PM20D2: variants seen among roughly 807,000 people sequenced by gnomAD.
PM20D2 encodes xaa-Arg dipeptidase.
PM20D2 carries 33 observed loss-of-function variants against 42.9 expected under a neutral mutation model. That is an observed-to-expected ratio of 0.77 (90% CI 0.58 to 1.03). PM20D2 has a LOEUF of 1.03. PM20D2 is among the 50% of genes least tolerant of loss of function. PM20D2 has a pLI of 0.00. For synonymous variants in PM20D2, 250 were observed against 228.2 expected (o/e 1.10, Z -0.86); for missense variants, 548 against 557.0 (o/e 0.98, Z 0.16).
the PM20D2 span, among the ~76,000 whole-genome samples, chr6:89,101,111 A>G: frequency 7.8e-6 from 1 of 128,896 alleles, no homozygotes; most frequent in African/African-American, 4.0e-5. Context: ...CTCCAAGACA[A>G]AAAAAAAAAA....
At chr6:89,095,156 AT>A in the PM20D2 span, among the ~76,000 whole-genome samples, 2 of 152,194 alleles carry the variant, frequency 1.3e-5, no homozygotes. Context: ...ATATCTATCT[AT>A]ACAAGTACCC....
At chr6:89,152,885 T>C (rs1178956662) in intron 2 of PM20D2, among the ~76,000 whole-genome samples, 158 bp from the exon 3 acceptor site, 2 of 152,220 alleles carry the variant, frequency 1.3e-5, no homozygotes, top group Admixed American at 6.5e-5. Flanking sequence ...ATAACTAACA[T>C]AAATAAATTG....
the PM20D2 span, among the ~76,000 whole-genome samples, chr6:89,138,522 G>GAA: frequency 6.8e-6 from 1 of 147,958 alleles, no homozygotes; most frequent in East Asian, 2.0e-4. Context: ...TTTAAAAAAC[G>GAA]AAAAAAAAAA....
intron 5 of PM20D2, among the ~76,000 whole-genome samples, chr6:89,161,001 G>A (rs761845933): frequency 1.7e-4 from 26 of 152,154 alleles, no homozygotes; most frequent in South Asian, 4.2e-4. Context: ...AAAAAAAGAC[G>A]GCAAATAGAG....
the PM20D2 span, among the ~76,000 whole-genome samples, chr6:89,133,559 A>G: frequency 1.3e-4 from 20 of 151,092 alleles, no homozygotes; most frequent in Non-Finnish European, 2.6e-4. Flanking sequence ...TATGCCTGCT[A>G]TATTTCTCAT....
Position 89,161,763 on chromosome 6 carries a change from T to G in PM20D2, c.1049-20T>G, listed in dbSNP as rs760011676. The G allele has an allele frequency of 9.0e-6, 14 of 1,551,936 alleles. No homozygotes were observed. Among genetic ancestry groups the G allele is most frequent in the Non-Finnish European group, 1.2e-5 (14 of 1,123,442 alleles). ...CCACATATACTTAAATAGACTTTTC[T>G]TAACTTTGTGTGTTCCAAGGATCTA... On this transcript the variant is annotated intron_variant, in intron 5 of 6. Transcript: ENST00000275072.
In PM20D2 at chr6:89,162,849, C is replaced by G. The variant is rs1771291777; in HGVS notation, c.*586C>G. The G allele has an allele frequency of 1.3e-5, 2 of 152,336 alleles. No homozygotes were observed. Among genetic ancestry groups the G allele is most frequent in the Admixed American group, 6.6e-5 (1 of 15,262 alleles). The allele number at this position is 152,336 out of a possible 1,614,324, so 9.4% of individuals were successfully genotyped here. ...TGGCACAATCTCGGCTCACTGCAACCTCTGCCTCCCAGGTTCAAGTGATTC... is the reference window on the plus strand; with the variant it reads ...TGGCACAATCTCGGCTCACTGCAACGTCTGCCTCCCAGGTTCAAGTGATTC... On this transcript the variant is annotated 3_prime_UTR_variant, in exon 7 of 7. Coordinates refer to ENST00000275072, the MANE Select transcript of PM20D2 (RefSeq NM_001010853.3).
chr6:89,164,257 A>G lies in PM20D2; in HGVS notation c.*1994A>G, dbSNP rs1281710707. ...CCCACAATTTCCCAAAGGAATGTTT[A>G]TTTATTAAGAGTTGTGTTGATAATT... On this transcript the variant is annotated 3_prime_UTR_variant, in exon 7 of 7. Coordinates refer to ENST00000275072, the MANE Select transcript of PM20D2 (RefSeq NM_001010853.3). 1.3e-5 allele frequency: 2 copies of G among 152,254 alleles called. No homozygotes were observed. The highest frequency in any genetic ancestry group is 6.5e-5 in the Admixed American group (1 of 15,278). 9.4% of individuals were successfully genotyped at this position (152,254 alleles called of 1,614,324 possible).
the PM20D2 span, among the ~76,000 whole-genome samples, chr6:89,118,853 A>G: frequency 6.6e-6 from 1 of 152,206 alleles, no homozygotes; most frequent in South Asian, 2.1e-4. Context: ...GTTTAAATGC[A>G]GGGACAGTTA....
At chr6:89,119,971 C>T in the PM20D2 span, among the ~76,000 whole-genome samples, 1 of 152,186 alleles carries the variant, frequency 6.6e-6, no homozygotes, top group Admixed American at 6.5e-5. Flanking sequence ...TAAAGACATA[C>T]CCAAGACTGG....
chr6:89,101,195 T>A, the PM20D2 span, among the ~76,000 whole-genome samples: 1 of 151,242 alleles, frequency 6.6e-6, no homozygotes, highest in Non-Finnish European at 1.5e-5. Context: ...GAAAAGGAAT[T>A]TTAAGAAATC....
intron 4 of PM20D2, among the ~76,000 whole-genome samples, chr6:89,155,707 C>CTGTT (rs963265894): frequency 5.9e-5 from 9 of 151,414 alleles, no homozygotes; most frequent in Non-Finnish European, 1.0e-4. Flanking sequence ...TGATTTGTTT[C>CTGTT]TGTTTGTTTG....
Position 89,153,095 on chromosome 6 carries a change from G to A in PM20D2, c.667G>A (p.Glu223Lys), listed in dbSNP as rs1278789697. ...KASHSASYPWEGLNALDAAVL... is the reference protein window; with the variant it reads ...KASHSASYPWKGLNALDAAVL... The stretch of plus-strand genomic sequence containing the variant: ...ATCTCATTCTGCTTCTTATCCCTGG[G>A]AAGGATTAAATGCATTAGATGCTGC... The change falls in exon 3 of 7, where the codon GAA (glutamate) becomes AAA (lysine). Residue 223 changes from glutamate (E) to lysine (K), a missense_variant. Glu to Lys is a moderately conservative substitution (Grantham distance 56, BLOSUM62 1). Around this residue, in one of 3 missense-constraint regions of PM20D2, gnomAD observed 470 missense variants for 464.4 expected, o/e 1.01. Transcript: ENST00000275072. The A allele has an allele frequency of 3.1e-6, 5 of 1,610,932 alleles. No individual in the cohort carries two copies. In the South Asian group the frequency reaches 4.4e-5, roughly 14 times the overall value.
chr6:89,140,820 T>C, the PM20D2 span, among the ~76,000 whole-genome samples: 24 of 152,304 alleles, frequency 1.6e-4, no homozygotes, highest in African/African-American at 5.8e-4. Flanking sequence ...TACCAGGACA[T>C]TCAGGGCTTT....
the PM20D2 span, among the ~76,000 whole-genome samples, chr6:89,099,413 T>TATATAC: frequency 4.4e-4 from 62 of 140,040 alleles, 2 homozygotes; most frequent in African/African-American, 1.7e-3. Flanking sequence ...CATATATATA[T>TATATAC]ACATATATAT....
chr6:89,158,676 A>G (rs1771133553), intron 5 of PM20D2, among the ~76,000 whole-genome samples: 1 of 152,204 alleles, frequency 6.6e-6, no homozygotes, highest in African/African-American at 2.4e-5. Context: ...TAGTCAACCT[A>G]CATTTTTGTC....
chr6:89,160,009 A>G (rs1021397643), intron 5 of PM20D2, among the ~76,000 whole-genome samples: 17 of 152,090 alleles, frequency 1.1e-4, no homozygotes, highest in Non-Finnish European at 2.1e-4. Flanking sequence ...TGTGGGCTCT[A>G]GGGTCTAGTT....
upstream of PM20D2, among the ~76,000 whole-genome samples, chr6:89,142,280 G>C (rs898876025): frequency 6.6e-6 from 1 of 152,140 alleles, no homozygotes; most frequent in Non-Finnish European, 1.5e-5. Context: ...TTTTACATGT[G>C]CTATCTAGTG....
chr6:89,108,627 T>C, the PM20D2 span, among the ~76,000 whole-genome samples: 2 of 151,722 alleles, frequency 1.3e-5, no homozygotes, highest in African/African-American at 4.8e-5. Flanking sequence ...CTTGGACAAA[T>C]GGAAAAAAGA....
Sources: allele counts gnomAD v4.1 joint callset (sites outside exome capture counted in the v4.1 genomes callset), GRCh38; gene constraint gnomAD v4.1.1; regional missense constraint gnomAD v4.1.1; transcripts MANE v1.5; gene names NCBI Gene and HGNC (gene_info 2026-07-23, HGNC 2026-07-21).